The following IL1RAPL1 variants were observed in gnomAD, a reference collection of about 807,000 sequenced individuals.
IL1RAPL1 encodes interleukin-1 receptor accessory protein-like 1.
In IL1RAPL1, 3 loss-of-function variants were observed where a neutral mutation model predicts 48.4. That is an observed-to-expected ratio of 0.06 (90% CI 0.03 to 0.16). The LOEUF (loss-of-function observed/expected upper bound fraction) is 0.16. IL1RAPL1 is among the 10% of genes least tolerant of loss of function. The pLI is 1.00. For missense variants in IL1RAPL1, 349 were observed against 530.6 expected, an observed-to-expected ratio of 0.66 and a Z score of 3.36; for synonymous variants, 185 against 187.7, an observed-to-expected ratio of 0.99 and a Z score of 0.12.
intron 6 of IL1RAPL1, among the ~76,000 whole-genome samples, chrX:29,679,442 G>T (rs943934482): frequency 2.7e-5 from 3 of 111,224 alleles, no homozygotes; most frequent in Non-Finnish European, 3.8e-5. Flanking sequence ...AATATTTGGG[G>T]TGCAATTAGA....
At chrX:29,082,096 T>A (rs1348122469) in intron 2 of IL1RAPL1, among the ~76,000 whole-genome samples, 1 of 112,171 alleles carries the variant, frequency 8.9e-6, no homozygotes, top group Non-Finnish European at 1.9e-5. Context: ...GGGCTATAGT[T>A]AATGTGTTCA....
At chrX:29,920,161 C>G in intron 8 of IL1RAPL1, 67 bp downstream of exon 8, 14 of 1,145,816 alleles carry the variant, frequency 1.2e-5, no homozygotes, top group Non-Finnish European at 1.7e-5. Context: ...TCATTGGGAA[C>G]CAAGAAACAA....
At chrX:29,410,564 G>A (rs1290445953) in intron 5 of IL1RAPL1, among the ~76,000 whole-genome samples, 1 of 111,190 alleles carries the variant, frequency 9.0e-6, no homozygotes, top group Non-Finnish European at 1.9e-5. Context: ...CACTTCATAT[G>A]GATTTTTGAA....
intron 5 of IL1RAPL1, among the ~76,000 whole-genome samples, chrX:29,600,589 T>G (rs1383156851): frequency 1.8e-5 from 2 of 111,209 alleles, no homozygotes; most frequent in African/African-American, 6.6e-5. Context: ...CGTGGTTAAG[T>G]ATTCAGGTTT....
At chrX:29,938,131 G>A (rs150577329) in intron 8 of IL1RAPL1, among the ~76,000 whole-genome samples, 208 of 111,206 alleles carry the variant, frequency 1.9e-3, no homozygotes, top group African/African-American at 6.5e-3. Flanking sequence ...TAAATGGCTC[G>A]TGACATGTAG....
intron 5 of IL1RAPL1, among the ~76,000 whole-genome samples, chrX:29,494,095 G>T (rs1253767514): frequency 9.1e-6 from 1 of 109,459 alleles, no homozygotes; most frequent in Non-Finnish European, 1.9e-5. Flanking sequence ...TGGAGACGGG[G>T]TTTCACCATA....
chrX:29,903,497 T>C (rs1932540793), intron 6 of IL1RAPL1, among the ~76,000 whole-genome samples: 1 of 111,404 alleles, frequency 9.0e-6, no homozygotes, highest in Non-Finnish European at 1.9e-5. Flanking sequence ...TGATGCTTTT[T>C]AATTAGAGGA....
At chrX:28,951,192 C>T (rs1156321187) in intron 2 of IL1RAPL1, among the ~76,000 whole-genome samples, 1 of 103,082 alleles carries the variant, frequency 9.7e-6, no homozygotes, top group Non-Finnish European at 2.0e-5. Context: ...TTAGTGGGTG[C>T]AGCGCACCAG....
chrX:29,697,624 C>G (rs1926947809), intron 6 of IL1RAPL1, among the ~76,000 whole-genome samples: 1 of 111,925 alleles, frequency 8.9e-6, no homozygotes, highest in Non-Finnish European at 1.9e-5. Flanking sequence ...TATATATACT[C>G]CAGACATTTA....
intron 1 of IL1RAPL1, among the ~76,000 whole-genome samples, chrX:28,748,333 A>G (rs1459229473): frequency 8.9e-6 from 1 of 111,917 alleles, no homozygotes; most frequent in Non-Finnish European, 1.9e-5. Context: ...GATGGATTTG[A>G]AGTAGCACCT....
intron 6 of IL1RAPL1, among the ~76,000 whole-genome samples, chrX:29,894,613 T>C (rs1483274200): frequency 8.9e-6 from 1 of 111,938 alleles, no homozygotes; most frequent in Non-Finnish European, 1.9e-5. Context: ...AAGAAGACAC[T>C]TGAAAGCAGC....
At chrX:29,883,534 G>A (rs749444543) in intron 6 of IL1RAPL1, among the ~76,000 whole-genome samples, 9 of 112,146 alleles carry the variant, frequency 8.0e-5, no homozygotes, top group East Asian at 2.8e-4. Context: ...CTGTTCTGAC[G>A]TAATTTAAGA....
chrX:29,323,821 G>T (rs772391325), intron 3 of IL1RAPL1, among the ~76,000 whole-genome samples: 1 of 75,077 alleles, frequency 1.3e-5, no homozygotes, highest in Admixed American at 1.8e-4. Flanking sequence ...GGAGAATCAC[G>T]TAGATTAGAA....
chrX:29,174,390 G>A (rs7891826), intron 2 of IL1RAPL1, among the ~76,000 whole-genome samples: 5,803 of 111,860 alleles, frequency 0.052, 375 homozygotes, highest in African/African-American at 0.18. Flanking sequence ...CACTTGTGCC[G>A]TGACTCGGAG....
At chrX:29,453,540 T>C (rs1268375785) in intron 5 of IL1RAPL1, among the ~76,000 whole-genome samples, 1 of 111,500 alleles carries the variant, frequency 9.0e-6, no homozygotes, top group East Asian at 2.8e-4. Context: ...GGGAGAAATA[T>C]GACTGTTGAC....
intron 2 of IL1RAPL1, among the ~76,000 whole-genome samples, chrX:28,962,831 C>T (rs929425078): frequency 1.9e-5 from 2 of 107,975 alleles, no homozygotes; most frequent in African/African-American, 6.8e-5. Context: ...TGGGGGGGGT[C>T]CTGGAACCAA....
At chrX:29,003,166 C>G (rs1925897621) in intron 2 of IL1RAPL1, among the ~76,000 whole-genome samples, 1 of 111,293 alleles carries the variant, frequency 9.0e-6, no homozygotes, top group Non-Finnish European at 1.9e-5. Flanking sequence ...TTGCTATGTG[C>G]AAAACAACAG....
chrX:28,949,586 C>A (rs940813747), intron 2 of IL1RAPL1, among the ~76,000 whole-genome samples: 3 of 111,564 alleles, frequency 2.7e-5, no homozygotes, highest in African/African-American at 9.8e-5. Flanking sequence ...TTCTCCACAT[C>A]CTCTCCAGCA....
At chrX:29,600,511 G>A (rs1197417801) in intron 5 of IL1RAPL1, among the ~76,000 whole-genome samples, 1 of 112,255 alleles carries the variant, frequency 8.9e-6, no homozygotes, top group African/African-American at 3.2e-5. Flanking sequence ...CTCCAGCCAG[G>A]AGCTGGTGCT....
Sources: gnomAD v4.1 joint callset for allele counts (sites outside exome capture counted in the v4.1 genomes callset) on GRCh38, gnomAD v4.1.1 for gene constraint, MANE v1.5 for transcripts, NCBI Gene and HGNC (gene_info 2026-07-23, HGNC 2026-07-21) for gene names.